SLC6A16: variants seen among roughly 807,000 people sequenced by gnomAD.
SLC6A16 encodes the protein solute carrier family 6 member 16, also known as orphan sodium- and chloride-dependent neurotransmitter transporter NTT5.
A neutral mutation model predicts 65.4 loss-of-function variants in SLC6A16; 54 were observed. The ratio of observed to expected loss-of-function variants is 0.83; its 90% confidence interval spans 0.66 to 1.04. SLC6A16 has a LOEUF of 1.04. SLC6A16 is among the 50% of genes least tolerant of loss of function. The pLI is 0.00. For synonymous variants in SLC6A16, 330 were observed against 346.5 expected, an observed-to-expected ratio of 0.95 and a Z score of 0.53; for missense variants, 816 against 914.0, an observed-to-expected ratio of 0.89 and a Z score of 1.38.
chr19:49,314,229 T>A (rs1367538975), intron 1 of SLC6A16, among the ~76,000 whole-genome samples: 1 of 151,758 alleles, frequency 6.6e-6, no homozygotes, highest in Non-Finnish European at 1.5e-5. Flanking sequence ...TCTGGACAAA[T>A]CAGAACATCA....
chr19:49,293,152 G>C (rs762504579), intron 10 of SLC6A16, 71 bp downstream of exon 10: 18 of 1,471,824 alleles, frequency 1.2e-5, no homozygotes, highest in Non-Finnish European at 1.5e-5. Flanking sequence ...GTTGACAGTA[G>C]AGGCAACAAA....
the SLC6A16 span, chr19:49,338,712 G>A: frequency 1.2e-6 from 2 of 1,611,174 alleles, no homozygotes; most frequent in African/African-American, 2.7e-5. This position sits in a 1 kb window ranked among gnomAD's most constrained non-coding sequence, Gnocchi z 5.0. Flanking sequence ...GCGCTGCTGC[G>A]GCTGGCACTA....
the SLC6A16 span, chr19:49,339,537 CT>C: frequency 6.8e-7 from 1 of 1,469,288 alleles, no homozygotes; most frequent in Non-Finnish European, 9.1e-7. This position sits in a 1 kb window ranked among gnomAD's most constrained non-coding sequence, Gnocchi z 4.5. Context: ...CACCCCGGCC[CT>C]CCCGCCGCTC....
rs376037576 is a variant in SLC6A16 at position 49,309,370 on chromosome 19, G to C, written c.918C>G (p.Val306=). The change falls in exon 6 of 12, where the codon GTC becomes GTG. Residue 306 remains valine (V), a synonymous_variant. Coordinates refer to ENST00000335875, the MANE Select transcript of SLC6A16 (RefSeq NM_014037.3). ...GGAGTAGAGTCCGGATGAAGAAACC[G>C]ACAATGATGAAACAGGGGAGCAGTA... ...VLVLLPCFII[V]GFFIRTLLLE... is the part of the protein sequence containing the mutation. 6.2e-7 allele frequency: 1 copy of C among 1,614,064 alleles called. No homozygotes were observed. The highest frequency in any genetic ancestry group is 8.5e-7 in the Non-Finnish European group (1 of 1,179,980).
At chr19:49,339,519 G>A in the SLC6A16 span, 8 of 1,491,926 alleles carry the variant, frequency 5.4e-6, no homozygotes, top group Non-Finnish European at 7.3e-6. This position sits in a 1 kb window ranked among gnomAD's most constrained non-coding sequence, Gnocchi z 4.5. Context: ...TCAGGGCGGA[G>A]CGCAGCCCAC....
At position 49,292,574 on chromosome 19, in the gene SLC6A16, C is replaced by T. The variant is rs1190762504; in HGVS notation, c.1778+649G>A. Among the ~76,000 whole-genome samples, 2 of 152,178 alleles carry T rather than the reference C, an allele frequency of 1.3e-5. No homozygotes were observed. The highest frequency in any genetic ancestry group is 2.9e-5 in the Non-Finnish European group (2 of 68,032). On this transcript the variant is annotated intron_variant, in intron 10 of 11. Coordinates refer to ENST00000335875, the MANE Select transcript of SLC6A16 (RefSeq NM_014037.3). This position sits in a 1 kb window ranked among gnomAD's most constrained non-coding sequence, Gnocchi z 4.3. ...GCCATTCTGCATACAAAGCTGAGTC[C>T]TATCGTGGCTTACAAAACCCTACAT...
intron 7 of SLC6A16, among the ~76,000 whole-genome samples, chr19:49,302,108 T>A (rs1207036791): frequency 6.6e-6 from 1 of 152,180 alleles, no homozygotes; most frequent in Non-Finnish European, 1.5e-5. Flanking sequence ...CACTGCCACA[T>A]GCATGCCCTT....
the SLC6A16 span, chr19:49,339,575 C>A: frequency 6.9e-7 from 1 of 1,456,550 alleles, no homozygotes; most frequent in South Asian, 1.4e-5. The surrounding 1 kb of genome is among the most constrained non-coding windows in gnomAD (Gnocchi z 4.5). Flanking sequence ...GTGGGGGCGG[C>A]CCAGCTTCAG....
At chr19:49,326,172 AAAAAAAAAG>A (rs1970795112), upstream of SLC6A16, among the ~76,000 whole-genome samples, 1 of 151,942 alleles carries the variant, frequency 6.6e-6, no homozygotes, top group Non-Finnish European at 1.5e-5. Context: ...TCCGTCTCAA[AAAAAAAAAG>A]GAAAAAAAAG....
rs1197711801 is a variant in SLC6A16 at position 49,307,051 on chromosome 19, C to CT, written c.1229+1824dup. 1.3e-3 allele frequency among the ~76,000 whole-genome samples: 79 copies of CT among 61,028 alleles called. 3 individuals carry two copies. In the South Asian group the frequency reaches 0.013, roughly 10 times the overall value. 40.0% of individuals were successfully genotyped at this position (61,028 alleles called of 152,430 possible). ...GTTACACAGTGCATTGTTTTATACA[C>CT]TTTTTTTTTTTTTTTGTTAGAGGAA... On this transcript the variant is annotated intron_variant, in intron 7 of 11. Transcript: ENST00000335875.
At chr19:49,312,800 A>G (rs772521800) in intron 1 of SLC6A16, among the ~76,000 whole-genome samples, 1 of 152,198 alleles carries the variant, frequency 6.6e-6, no homozygotes, top group Non-Finnish European at 1.5e-5. Context: ...GTTACACAAG[A>G]AAATGCTTAT....
At chr19:49,319,598 G>T (rs1301488813) in intron 1 of SLC6A16, among the ~76,000 whole-genome samples, 1 of 151,486 alleles carries the variant, frequency 6.6e-6, no homozygotes, top group Admixed American at 6.6e-5. Flanking sequence ...AGGATAAAAG[G>T]ACAGTTCTAC....
At chr19:49,318,941 G>A (rs550325030) in intron 1 of SLC6A16, among the ~76,000 whole-genome samples, 1 of 138,166 alleles carries the variant, frequency 7.2e-6, no homozygotes, top group Admixed American at 8.2e-5. Context: ...TCGAACTCCT[G>A]ATCTCATGTG....
At chr19:49,314,966 AAAGGAAGTTT>A (rs1240826282) in intron 1 of SLC6A16, among the ~76,000 whole-genome samples, 5 of 152,236 alleles carry the variant, frequency 3.3e-5, no homozygotes, top group Non-Finnish European at 7.4e-5. Context: ...CATCAAAACA[AAAGGAAGTTT>A]CTTCTAAGAT....
the SLC6A16 span, chr19:49,339,406 T>A: frequency 1.2e-6 from 2 of 1,613,754 alleles, no homozygotes; most frequent in Non-Finnish European, 1.7e-6. This position sits in a 1 kb window ranked among gnomAD's most constrained non-coding sequence, Gnocchi z 4.5. Context: ...GGCGTCGGCC[T>A]ACTCGAGGTG....
At chr19:49,323,064 A>G (rs1970741245) in intron 1 of SLC6A16, among the ~76,000 whole-genome samples, 1 of 151,988 alleles carries the variant, frequency 6.6e-6, no homozygotes, top group Non-Finnish European at 1.5e-5. Flanking sequence ...GGGCCCAGAA[A>G]CAATGTATGG....
At chr19:49,337,206 C>T in the SLC6A16 span, 16 of 1,614,156 alleles carry the variant, frequency 9.9e-6, no homozygotes, top group East Asian at 2.2e-5. Context: ...TCCTCATCTC[C>T]ACTCAGCGGG....
Position 49,311,411 on chromosome 19 carries a change from C to A in SLC6A16, c.-64G>T, listed in dbSNP as rs1390256915. The A allele has an allele frequency of 6.7e-7, 1 of 1,494,676 alleles. No homozygotes were observed. The highest frequency in any genetic ancestry group is 8.9e-7 in the Non-Finnish European group (1 of 1,120,052). 92.6% of individuals were successfully genotyped at this position (1,494,676 alleles called of 1,614,324 possible). A position where few individuals can be genotyped will look rare whatever the true frequency, so the allele number is the denominator to read the frequency against. On this transcript the variant is annotated splice_region_variant and 5_prime_UTR_variant, in exon 2 of 12. Coordinates refer to ENST00000335875, the MANE Select transcript of SLC6A16 (RefSeq NM_014037.3). Reference sequence around the variant, plus strand: ...GGGAGGGTTCATCTTCCTGAGGAGACCTGAAGGACACCAAAATCTGTAGAT... The same window carrying A: ...GGGAGGGTTCATCTTCCTGAGGAGAACTGAAGGACACCAAAATCTGTAGAT...
At chr19:49,304,467 CT>C (rs1970344784) in intron 7 of SLC6A16, among the ~76,000 whole-genome samples, 2 of 152,000 alleles carry the variant, frequency 1.3e-5, no homozygotes, top group East Asian at 3.9e-4. Flanking sequence ...CATTTTTTTC[CT>C]TTAAAAACCT....
Sources: allele counts gnomAD v4.1 joint callset (sites outside exome capture counted in the v4.1 genomes callset), GRCh38; gene constraint gnomAD v4.1.1; non-coding constraint Gnocchi (gnomAD v3.1); transcripts MANE v1.5; gene names NCBI Gene and HGNC (gene_info 2026-07-23, HGNC 2026-07-21).